Variants in CLCN5 observed in about 807,000 individuals in gnomAD.
CLCN5 encodes Cl-/H+ antiporter 5.
CLCN5 carries 17 observed loss-of-function variants against 54.0 expected under a neutral mutation model. The observed-to-expected ratio is 0.31, with a 90% CI of 0.22 to 0.47. The LOEUF is 0.47. Among genes scored for constraint, CLCN5 ranks in the 20% least tolerant of loss-of-function variants. The pLI is 1.00. For synonymous variants in CLCN5, 222 were observed against 233.0 expected, an observed-to-expected ratio of 0.95 and a Z score of 0.43; for missense variants, 448 against 646.7, an observed-to-expected ratio of 0.69 and a Z score of 3.33.
At chrX:49,985,268 T>C (rs1557178156) in intron 3 of CLCN5, among the ~76,000 whole-genome samples, 1 of 111,649 alleles carries the variant, frequency 9.0e-6, no homozygotes, top group Non-Finnish European at 1.9e-5. Flanking sequence ...AAGAAAGATA[T>C]TTTTATGATT....
intron 3 of CLCN5, among the ~76,000 whole-genome samples, chrX:50,031,712 ATTTC>A (rs1374408491): frequency 2.8e-5 from 3 of 105,376 alleles, no homozygotes; most frequent in Non-Finnish European, 3.9e-5. Flanking sequence ...TTCCATTTTA[ATTTC>A]TTTATTATTA....
At chrX:49,948,346 C>T (rs1557172525) in intron 3 of CLCN5, among the ~76,000 whole-genome samples, 2 of 111,097 alleles carry the variant, frequency 1.8e-5, no homozygotes, top group African/African-American at 3.3e-5. Context: ...ATAAAGGTAG[C>T]TCTAAACTCT....
chrX:49,929,779 GTT>G (rs782239212), intron 3 of CLCN5, among the ~76,000 whole-genome samples: 13 of 90,004 alleles, frequency 1.4e-4, no homozygotes, highest in Admixed American at 1.2e-4. Context: ...TAGGTTTTTT[GTT>G]TTTTTTTTTT....
intron 3 of CLCN5, among the ~76,000 whole-genome samples, chrX:49,962,348 G>A (rs1317442762): frequency 1.8e-5 from 2 of 111,551 alleles, no homozygotes; most frequent in Admixed American, 1.9e-4. Context: ...AAAATGCCAT[G>A]AAGACACCCT....
chrX:50,063,392 T>C (rs1395967307), intron 4 of CLCN5, among the ~76,000 whole-genome samples: 1 of 106,898 alleles, frequency 9.4e-6, no homozygotes, highest in African/African-American at 3.7e-5. Context: ...TCTACGCAAA[T>C]AAACTAGAAA....
At chrX:50,051,656 A>G (rs782452683) in intron 4 of CLCN5, among the ~76,000 whole-genome samples, 44 of 112,006 alleles carry the variant, frequency 3.9e-4, no homozygotes, top group African/African-American at 1.3e-3. Context: ...AACATTGACT[A>G]TTTATTCAGA....
intron 6 of CLCN5, among the ~76,000 whole-genome samples, chrX:50,074,158 A>T (rs1933322668): frequency 8.9e-6 from 1 of 112,379 alleles, no homozygotes; most frequent in African/African-American, 3.2e-5. Context: ...CGGTTTGTGC[A>T]AAAGTAATTG....
intron 3 of CLCN5, chrX:50,008,848 G>T (rs1557182006): frequency 3.0e-6 from 1 of 337,780 alleles, no homozygotes; most frequent in Non-Finnish European, 6.0e-6. Context: ...TTTCTGTAAA[G>T]TCCCTAGTAA....
chrX:49,962,061 C>CAG (rs143632687), intron 3 of CLCN5, among the ~76,000 whole-genome samples: 42 of 112,157 alleles, frequency 3.7e-4, no homozygotes, highest in Non-Finnish European at 6.6e-4. Flanking sequence ...TTTAAGTCTT[C>CAG]AGTTTTCTAC....
chrX:50,078,983 C>T (rs914616072), intron 7 of CLCN5, among the ~76,000 whole-genome samples: 3 of 111,380 alleles, frequency 2.7e-5, no homozygotes, highest in Non-Finnish European at 3.8e-5. Context: ...CTACCACGCC[C>T]GGCTAATTTT....
rs56295848 is a variant in CLCN5 at position 50,091,975 on chromosome X, G to C, written c.2361-154G>C. ...TCCACACATCATCCTATTTGCCTGG[G>C]GCACATGTCCTACTCCTGTGATCTC... On this transcript the variant is annotated intron_variant, in intron 14 of 14. Transcript: ENST00000376091. Among the ~76,000 whole-genome samples, 6,497 of 111,969 alleles carry C rather than the reference G, an allele frequency of 0.058. 159 individuals are homozygous for C. Among genetic ancestry groups the C allele is most frequent in the Middle Eastern group, 0.12 (26 of 217 alleles).
rs1368142489 is a variant in CLCN5 at position 50,093,329 on chromosome X, T to G, written c.*1110T>G. On this transcript the variant is annotated 3_prime_UTR_variant, in exon 15 of 15. Coordinates refer to ENST00000376091, the MANE Select transcript of CLCN5 (RefSeq NM_001127898.4). ...TGTACCTCCCAGCGATAAGTATGTG[T>G]AACAGGCCAGTGTGTTGTCCCCATG... 3 of 112,425 alleles carry G rather than the reference T, an allele frequency of 2.7e-5. No homozygotes were observed. Among genetic ancestry groups the G allele is most frequent in the African/African-American group, 9.7e-5 (3 of 30,837 alleles). 9.3% of individuals were successfully genotyped at this position (112,425 alleles called of 1,213,427 possible). A position where few individuals can be genotyped will look rare whatever the true frequency, so the allele number is the denominator to read the frequency against.
chrX:49,931,512 T>C (rs782776235), intron 3 of CLCN5, among the ~76,000 whole-genome samples: 1 of 111,451 alleles, frequency 9.0e-6, no homozygotes, highest in East Asian at 2.8e-4. Context: ...GTATTTATAG[T>C]GAAAAAACTG....
chrX:49,991,673 C>A (rs1557178996), intron 3 of CLCN5, among the ~76,000 whole-genome samples: 2 of 111,935 alleles, frequency 1.8e-5, no homozygotes, highest in African/African-American at 6.5e-5. Flanking sequence ...AATAATGCTA[C>A]AAGTTTAGCC....
chrX:50,066,646 C>T (rs1425385160), intron 4 of CLCN5, among the ~76,000 whole-genome samples: 1 of 111,585 alleles, frequency 9.0e-6, no homozygotes, highest in Non-Finnish European at 1.9e-5. Flanking sequence ...TAATTAAGAC[C>T]TGCTTTAAAA....
chrX:50,059,406 T>A (rs1557189534), intron 4 of CLCN5, among the ~76,000 whole-genome samples: 1 of 112,029 alleles, frequency 8.9e-6, no homozygotes, highest in East Asian at 2.8e-4. Context: ...ATTGTAAAAA[T>A]TGGGAAATGA....
At chrX:50,080,175 C>A (rs782094383) in intron 7 of CLCN5, among the ~76,000 whole-genome samples, 1 of 111,361 alleles carries the variant, frequency 9.0e-6, no homozygotes, top group East Asian at 2.8e-4. Context: ...ACTTTAGATC[C>A]GCTCTTCACT....
chrX:49,963,522 C>T (rs1557175062), intron 3 of CLCN5, among the ~76,000 whole-genome samples: 1 of 111,937 alleles, frequency 8.9e-6, no homozygotes, highest in Non-Finnish European at 1.9e-5. Context: ...TTAACTTCTG[C>T]TCACCTTGAC....
intron 6 of CLCN5, among the ~76,000 whole-genome samples, chrX:50,073,971 A>G (rs1933315554): frequency 9.0e-6 from 1 of 111,683 alleles, no homozygotes. Flanking sequence ...GAGAGAGAAC[A>G]TGGTCTGGCT....
Sources: allele counts gnomAD v4.1 joint callset (sites outside exome capture counted in the v4.1 genomes callset), GRCh38; gene constraint gnomAD v4.1.1; transcripts MANE v1.5; gene names NCBI Gene and HGNC (gene_info 2026-07-23, HGNC 2026-07-21).